The following THRA variants were observed in gnomAD, a reference collection of about 807,000 sequenced individuals.
The protein encoded by THRA is EAR-7.
In THRA, 13 loss-of-function variants were observed where a neutral mutation model predicts 45.0. That is an observed-to-expected ratio of 0.29 (90% CI 0.19 to 0.46). The LOEUF (loss-of-function observed/expected upper bound fraction) is 0.46. Ranked by LOEUF, THRA falls within the 20% of genes least tolerant of loss-of-function variation. THRA has a pLI of 1.00. For missense variants in THRA, 278 were observed against 556.1 expected, an observed-to-expected ratio of 0.50 and a Z score of 5.03; for synonymous variants, 195 against 214.0, an observed-to-expected ratio of 0.91 and a Z score of 0.78.
intron 1 of THRA, among the ~76,000 whole-genome samples, chr17:40,070,253 T>C (rs970017790): frequency 6.6e-6 from 1 of 152,086 alleles, no homozygotes; most frequent in Non-Finnish European, 1.5e-5. Flanking sequence ...TGAGTCTGTG[T>C]GTACTCCTCT....
intron 1 of THRA, among the ~76,000 whole-genome samples, chr17:40,070,500 T>C (rs998839889): frequency 1.4e-4 from 22 of 152,148 alleles, no homozygotes; most frequent in African/African-American, 5.3e-4. Flanking sequence ...CCAGGGGCCC[T>C]TGGTGTGGGT....
chr17:40,078,574 T>C (rs1987029897), intron 4 of THRA, among the ~76,000 whole-genome samples: 1 of 152,206 alleles, frequency 6.6e-6, no homozygotes, highest in South Asian at 2.1e-4. Context: ...CAGTGTATTC[T>C]TAGGTGTGAG....
chr17:40,088,352 G>C lies in THRA; in HGVS notation c.834G>C (p.Gly278=). The part of the protein sequence containing the change: ...DPESDTLTLS[G]EMAVKREQLK... ...AGAGCGACACCCTGACGCTGAGTGG[G>C]GAGATGGCTGTCAAGCGGGAGCAGC... Residue 278 remains glycine, a synonymous_variant, in exon 8 of 9, where the codon GGG becomes GGC. Coordinates refer to ENST00000450525, the MANE Select transcript of THRA (RefSeq NM_199334.5). 6.2e-7 allele frequency: 1 copy of C among 1,614,134 alleles called. No individual in the cohort carries two copies. Among genetic ancestry groups the C allele is most frequent in the Non-Finnish European group, 8.5e-7 (1 of 1,179,990 alleles).
chr17:40,083,862 A>C lies in THRA; in HGVS notation c.250A>C (p.Asn84His), dbSNP rs771710803. 1 of 1,613,086 alleles carries C rather than the reference A, an allele frequency of 6.2e-7. No homozygotes were observed. The highest frequency in any genetic ancestry group is 1.1e-5 in the South Asian group (1 of 90,932). ...KGFFRRTIQK[N>H]LHPTYSCKYD... ...CTTCTTTCGCCGCACAATCCAGAAGAACCTCCATCCCACCTATTCCTGCAA... is the reference window on the plus strand; with the variant it reads ...CTTCTTTCGCCGCACAATCCAGAAGCACCTCCATCCCACCTATTCCTGCAA... Residue 84 changes from asparagine (N) to histidine (H), a missense_variant, in exon 5 of 9, where the codon AAC becomes CAC. By Grantham distance (68) the Asn-to-His change is moderately conservative. Around this residue, in one of 6 missense-constraint regions of THRA, gnomAD observed 111 missense variants for 167.1 expected, o/e 0.66. Coordinates refer to ENST00000450525, the MANE Select transcript of THRA (RefSeq NM_199334.5).
chr17:40,078,626 CAG>C (rs944540669), intron 4 of THRA, among the ~76,000 whole-genome samples: 1 of 151,838 alleles, frequency 6.6e-6, no homozygotes, highest in Non-Finnish European at 1.5e-5. Flanking sequence ...CACAGCCTGT[CAG>C]AGAGAGAGAC....
intron 4 of THRA, among the ~76,000 whole-genome samples, chr17:40,082,057 C>T (rs1437495092): frequency 6.6e-6 from 1 of 152,090 alleles, no homozygotes; most frequent in Non-Finnish European, 1.5e-5. Context: ...AGAGTTCATA[C>T]TCAGTCCCTT....
chr17:40,065,401 T>C lies in THRA; in HGVS notation c.-298+2309T>C, dbSNP rs193166228. Among the ~76,000 whole-genome samples the C allele has an allele frequency of 1.0e-3, 156 of 152,280 alleles. 2 individuals carry two copies. Among genetic ancestry groups the C allele is most frequent in the South Asian group, 8.5e-3 (41 of 4,818 alleles). On this transcript the variant is annotated intron_variant, in intron 1 of 8. Coordinates refer to ENST00000450525, the MANE Select transcript of THRA (RefSeq NM_199334.5). ...AAGAGGCCATCGGCTGGCGAGTGTC[T>C]GTGTGAGTGATATGTACTTTTGACT...
chr17:40,083,023 G>A (rs1987200132), intron 4 of THRA, among the ~76,000 whole-genome samples: 1 of 151,602 alleles, frequency 6.6e-6, no homozygotes, highest in Non-Finnish European at 1.5e-5. Context: ...CACCTCCTGG[G>A]TTCACGCCAT....
chr17:40,065,682 GC>G (rs1986528931), intron 1 of THRA, among the ~76,000 whole-genome samples: 1 of 152,024 alleles, frequency 6.6e-6, no homozygotes, highest in African/African-American at 2.4e-5. Context: ...GGGGTGGGGG[GC>G]GGGGGGCTCA....
intron 4 of THRA, among the ~76,000 whole-genome samples, chr17:40,082,932 A>ATT (rs746083240): frequency 3.7e-5 from 4 of 107,824 alleles, no homozygotes; most frequent in Admixed American, 9.1e-5. Flanking sequence ...CGCCCGGGTA[A>ATT]TTTTTTTTTT....
intron 2 of THRA, among the ~76,000 whole-genome samples, chr17:40,075,906 C>T (rs909779929): frequency 1.3e-5 from 2 of 152,212 alleles, no homozygotes; most frequent in Admixed American, 1.3e-4. Context: ...TGACTGTGAC[C>T]CTGGCCAAGG....
chr17:40,077,397 G>A lies in THRA; in HGVS notation c.122-111G>A, dbSNP rs530633073. 306 of 866,284 alleles carry A rather than the reference G, an allele frequency of 3.5e-4. 2 individuals carry two copies. Among genetic ancestry groups the A allele is most frequent in the African/African-American group, 1.5e-3 (90 of 60,956 alleles). The allele number at this position is 866,284 out of a possible 1,614,324, so 53.7% of individuals were successfully genotyped here. A position where few individuals can be genotyped will look rare whatever the true frequency, so the allele number is the denominator to read the frequency against. On this transcript the variant is annotated intron_variant, in intron 3 of 8. Coordinates refer to ENST00000450525, the MANE Select transcript of THRA (RefSeq NM_199334.5). ...TCTAGGATTCTACCAGGGAGGCTGG[G>A]CTAGGAGAGGGGTCAGAAACAAAAA...
chr17:40,066,751 G>T (rs573860102), intron 1 of THRA, among the ~76,000 whole-genome samples: 130 of 151,838 alleles, frequency 8.6e-4, no homozygotes, highest in Admixed American at 2.8e-3. Flanking sequence ...TAAGAACAGA[G>T]ATGATGGTGA....
At chr17:40,079,499 C>T (rs1987065871) in intron 4 of THRA, among the ~76,000 whole-genome samples, 1 of 152,154 alleles carries the variant, frequency 6.6e-6, no homozygotes, top group Non-Finnish European at 1.5e-5. Flanking sequence ...CCTGCCTCTG[C>T]ATCCCAAAGT....
In THRA at chr17:40,090,103, AC is replaced by A; in HGVS notation, c.*649del. Reference sequence around the variant, plus strand: ...GATATTAAGTTATTAACTGAGGCTGACCAGAGGGGAGGACCCCCCCTTTACC... The same window carrying A: ...GATATTAAGTTATTAACTGAGGCTGACAGAGGGGAGGACCCCCCCTTTACC... On this transcript the variant is annotated 3_prime_UTR_variant, in exon 9 of 9. Coordinates refer to ENST00000450525, the MANE Select transcript of THRA (RefSeq NM_199334.5). 1.1e-6 allele frequency: 1 copy of A among 915,896 alleles called. No homozygotes were observed. The highest frequency in any genetic ancestry group is 1.3e-6 in the Non-Finnish European group (1 of 766,492). 56.7% of individuals were successfully genotyped at this position (915,896 alleles called of 1,614,324 possible). A position where few individuals can be genotyped will look rare whatever the true frequency, so the allele number is the denominator to read the frequency against.
intron 4 of THRA, among the ~76,000 whole-genome samples, chr17:40,082,570 C>T (rs1317117049): frequency 2.0e-5 from 3 of 151,726 alleles, no homozygotes; most frequent in Non-Finnish European, 2.9e-5. Flanking sequence ...CCATGTTGGC[C>T]AGGCTGGTCT....
intron 2 of THRA, among the ~76,000 whole-genome samples, chr17:40,075,670 T>G (rs1347574015): frequency 6.6e-6 from 1 of 152,040 alleles, no homozygotes; most frequent in Non-Finnish European, 1.5e-5. Flanking sequence ...CCCATCACCT[T>G]CCCCTCCCCC....
At chr17:40,079,971 G>A (rs531688307) in intron 4 of THRA, among the ~76,000 whole-genome samples, 3 of 152,248 alleles carry the variant, frequency 2.0e-5, no homozygotes, top group Admixed American at 6.5e-5. Context: ...GGAGGCTGAG[G>A]CAGGAGAATC....
At chr17:40,088,106 G>A in intron 7 of THRA, 136 bp from the exon 8 acceptor site, 2 of 1,193,256 alleles carry the variant, frequency 1.7e-6, no homozygotes, top group Non-Finnish European at 2.3e-6. Flanking sequence ...GCATGCACAT[G>A]GCCCAATACA....
Sources: allele counts gnomAD v4.1 joint callset (sites outside exome capture counted in the v4.1 genomes callset), GRCh38; gene constraint gnomAD v4.1.1; regional missense constraint gnomAD v4.1.1; transcripts MANE v1.5; gene names NCBI Gene and HGNC (gene_info 2026-07-23, HGNC 2026-07-21).